Variants in LIPC observed in about 807,000 individuals in gnomAD.
LIPC encodes the protein hepatic triacylglycerol lipase.
A neutral mutation model predicts 50.7 loss-of-function variants in LIPC; 44 were observed. The ratio of observed to expected loss-of-function variants is 0.87; its 90% CI spans 0.68 to 1.11. The LOEUF is 1.11. LIPC is among the 50% of genes most tolerant of loss of function. LIPC has a pLI of 0.00. For synonymous variants in LIPC, 271 were observed against 256.4 expected (o/e 1.06, Z -0.54); for missense variants, 697 against 648.2 (o/e 1.08, Z -0.82).
intron 1 of LIPC, among the ~76,000 whole-genome samples, chr15:58,496,743 C>CAAAAAGAAAAAAAAAAAAAAA (rs1891778386): frequency 8.8e-6 from 1 of 114,180 alleles, no homozygotes; most frequent in Non-Finnish European, 1.8e-5. Flanking sequence ...TCTTCCCCCT[C>CAAAAAGAAAAAAAAAAAAAAA]AAAAAAAAAA....
Position 58,569,082 on chromosome 15 carries a change from C to T in LIPC, c.*255C>T. 3.3e-6 allele frequency: 1 copy of T among 301,446 alleles called. No homozygotes were observed. Among genetic ancestry groups the T allele is most frequent in the Non-Finnish European group, 6.1e-6 (1 of 163,878 alleles). 18.7% of individuals were successfully genotyped at this position (301,446 alleles called of 1,614,324 possible). A position where few individuals can be genotyped will look rare whatever the true frequency, so the allele number is the denominator to read the frequency against. ...AAATGTTAATATATGCAAATAAGTA[C>T]AAATGCAAGAGCCATTTTAGATCTG... On this transcript the variant is annotated 3_prime_UTR_variant, in exon 9 of 9. Transcript: ENST00000299022.
At chr15:58,521,551 A>G (rs1892652264) in intron 1 of LIPC, 1 of 152,400 alleles carries the variant, frequency 6.6e-6, no homozygotes. Context: ...GCGAGCAGCT[A>G]TGGCTGGAGC....
At chr15:58,512,961 GAA>G (rs112463338) in intron 1 of LIPC, among the ~76,000 whole-genome samples, 7 of 125,312 alleles carry the variant, frequency 5.6e-5, no homozygotes, top group African/African-American at 1.5e-4. Context: ...AAGCATCAAC[GAA>G]AAAAAAAAAA....
chr15:58,508,527 CT>C (rs1220683614), intron 1 of LIPC, among the ~76,000 whole-genome samples: 1 of 152,164 alleles, frequency 6.6e-6, no homozygotes, highest in Admixed American at 6.5e-5. Context: ...CTAGCTGGTT[CT>C]TTTCCTCTCC....
At chr15:58,487,091 G>C (rs1309518803) in intron 1 of LIPC, among the ~76,000 whole-genome samples, 5 of 152,170 alleles carry the variant, frequency 3.3e-5, no homozygotes, top group African/African-American at 1.2e-4. Flanking sequence ...CTAAACTTAA[G>C]AAAATGCCTT....
chr15:58,454,489 T>A (rs1300981621), intron 1 of LIPC: 2 of 152,170 alleles, frequency 1.3e-5, no homozygotes, highest in African/African-American at 4.8e-5. Flanking sequence ...TTGAGCTCCA[T>A]GGAGTACCCA....
At position 58,545,747 on chromosome 15, in the gene LIPC, G is replaced by T. The variant is rs1893502091; in HGVS notation, c.580G>T (p.Asp194Tyr). Residue 194 changes from aspartate to tyrosine, a missense_variant, in exon 5 of 9, where the codon GAT (aspartate) becomes TAT (tyrosine). Coordinates refer to ENST00000299022, the MANE Select transcript of LIPC (RefSeq NM_000236.3). ...TACCCCTGCTTTCCCATTAGGGCTGGATGCCGCGGGACCTTTGTTTGAGGG... is the reference window on the plus strand; with the variant it reads ...TACCCCTGCTTTCCCATTAGGGCTGTATGCCGCGGGACCTTTGTTTGAGGG... Reference protein sequence around the residue: ...THKIGRITGLDAAGPLFEGSA... With the variant: ...THKIGRITGLYAAGPLFEGSA... The T allele has an allele frequency of 1.2e-6, 2 of 1,614,024 alleles. No individual in the cohort carries two copies. The highest frequency in any genetic ancestry group is 1.7e-6 in the Non-Finnish European group (2 of 1,180,016).
chr15:58,476,090 A>G (rs1308849606), intron 1 of LIPC, among the ~76,000 whole-genome samples: 1 of 152,230 alleles, frequency 6.6e-6, no homozygotes, highest in African/African-American at 2.4e-5. Context: ...GGAAGAGAGC[A>G]GTCCTGTTTG....
chr15:58,511,607 A>G (rs1249233311), intron 1 of LIPC, among the ~76,000 whole-genome samples: 3 of 152,198 alleles, frequency 2.0e-5, no homozygotes, highest in Non-Finnish European at 4.4e-5. Context: ...TGCATGAGCA[A>G]AGCTAAATTG....
chr15:58,566,203 G>T (rs1453701683), intron 8 of LIPC: 5 of 985,356 alleles, frequency 5.1e-6, no homozygotes, highest in African/African-American at 1.7e-5. Context: ...TACACAACCC[G>T]GGAAGTGTAA....
chr15:58,563,149 G>A lies in LIPC; in HGVS notation c.1170-356G>A, dbSNP rs563292308. Reference sequence around the variant, plus strand: ...GCAGGCATACTATGTTAAACCTACAGAGAGCTGAACTGTCCAGACGCCGTT... The same window carrying A: ...GCAGGCATACTATGTTAAACCTACAAAGAGCTGAACTGTCCAGACGCCGTT... On this transcript the variant is annotated intron_variant, in intron 7 of 8. Transcript: ENST00000299022. Among the ~76,000 whole-genome samples the A allele has an allele frequency of 1.9e-3, 293 of 152,300 alleles. 1 individual carries two copies. The highest frequency in any genetic ancestry group is 6.8e-3 in the African/African-American group (284 of 41,548).
chr15:58,494,498 C>T (rs1450232769), intron 1 of LIPC, among the ~76,000 whole-genome samples: 1 of 152,204 alleles, frequency 6.6e-6, no homozygotes. Context: ...CTCGTCAGGG[C>T]TTGGCAATGC....
intron 1 of LIPC, among the ~76,000 whole-genome samples, chr15:58,537,354 A>G (rs1893160312): frequency 6.6e-6 from 1 of 152,188 alleles, no homozygotes; most frequent in Non-Finnish European, 1.5e-5. Flanking sequence ...GCTCCCCCAG[A>G]AGAGAGGCTG....
intron 1 of LIPC, among the ~76,000 whole-genome samples, chr15:58,463,396 C>G (rs993346034): frequency 2.6e-5 from 4 of 152,224 alleles, no homozygotes; most frequent in African/African-American, 9.6e-5. Flanking sequence ...CCACACCAAG[C>G]TTTCAGAAAC....
At chr15:58,546,008 C>T in intron 5 of LIPC, 33 bp downstream of exon 5, 1 of 1,536,150 alleles carries the variant, frequency 6.5e-7, no homozygotes, top group Non-Finnish European at 9.0e-7. Context: ...GGAGCACCGG[C>T]CTACATTTCA....
intron 1 of LIPC, among the ~76,000 whole-genome samples, chr15:58,496,397 T>C (rs551302261): frequency 4.1e-4 from 62 of 152,228 alleles, no homozygotes; most frequent in African/African-American, 1.3e-3. Context: ...TCATCTACAG[T>C]TGGACACCTT....
At chr15:58,474,804 C>T (rs1890935176) in intron 1 of LIPC, among the ~76,000 whole-genome samples, 1 of 152,168 alleles carries the variant, frequency 6.6e-6, no homozygotes, top group African/African-American at 2.4e-5. Context: ...ACTCATGGCC[C>T]TCCCAGCTGC....
chr15:58,542,679 G>C lies in LIPC; in HGVS notation c.574+28G>C, dbSNP rs761264458. The stretch of plus-strand genomic sequence containing the variant: ...AACCATGCCTAATAACTCACACACT[G>C]ATCTCCACTCCATAGGGGCATCCAA... On this transcript the variant is annotated intron_variant, in intron 4 of 8. Coordinates refer to ENST00000299022, the MANE Select transcript of LIPC (RefSeq NM_000236.3). 39 of 1,442,560 alleles carry C rather than the reference G, an allele frequency of 2.7e-5. No homozygotes were observed. In the Middle Eastern group the frequency reaches 5.2e-4, roughly 19 times the overall value. 89.4% of individuals were successfully genotyped at this position (1,442,560 alleles called of 1,614,324 possible).
intron 1 of LIPC, among the ~76,000 whole-genome samples, chr15:58,526,287 G>A (rs1383021753): frequency 6.6e-6 from 1 of 152,242 alleles, no homozygotes; most frequent in African/African-American, 2.4e-5. Context: ...TTCCTTAGCA[G>A]TGGTGTAAGG....
Sources: gnomAD v4.1 joint callset for allele counts (sites outside exome capture counted in the v4.1 genomes callset) on GRCh38, gnomAD v4.1.1 for gene constraint, MANE v1.5 for transcripts, NCBI Gene and HGNC (gene_info 2026-07-23, HGNC 2026-07-21) for gene names.